Variants in KLHL18 observed in about 807,000 individuals in gnomAD.
The protein encoded by KLHL18 is kelch-like protein 18.
Under a neutral mutation model 58.5 loss-of-function variants are expected in KLHL18, and 38 were observed. The ratio of observed to expected loss-of-function variants is 0.65; its 90% CI spans 0.50 to 0.85. The LOEUF (loss-of-function observed/expected upper bound fraction) is 0.85, where lower values mean the gene tolerates loss of function less well. KLHL18 is among the 40% of genes least tolerant of loss of function. KLHL18 has a pLI of 0.00. For missense variants in KLHL18, 624 were observed against 778.4 expected, an observed-to-expected ratio of 0.80 and a Z score of 2.36; for synonymous variants, 303 against 301.9, an observed-to-expected ratio of 1.00 and a Z score of -0.04.
intron 7 of KLHL18, chr3:47,338,782 C>G (rs1704043417): frequency 6.6e-6 from 1 of 152,170 alleles, no homozygotes; most frequent in Non-Finnish European, 1.5e-5. Context: ...AAGATCGTGC[C>G]ACTGCATTCC....
intron 1 of KLHL18, among the ~76,000 whole-genome samples, chr3:47,309,985 A>G (rs867197856): frequency 0.013 from 320 of 23,998 alleles, 2 homozygotes; most frequent in African/African-American, 0.036. Context: ...CCGTGGGGAG[A>G]GGGAGGGGGA....
rs1336325772 is a variant in KLHL18, at chr3:47,322,668, C to T, written c.361C>T (p.Gln121Ter). The change falls in exon 3 of 10, where the codon CAG (glutamine) becomes TAG (stop). Residue 121 changes from glutamine (Q) to a stop codon, truncating the protein, a stop_gained. Coordinates refer to ENST00000232766, the MANE Select transcript of KLHL18 (RefSeq NM_025010.5). LOFTEE classifies it high-confidence loss of function. ...LLMGASFLQL[Q>*]SIKDACCTFL... ...GATGGGGGCGAGCTTCCTGCAGCTGCAGAGCATCAAAGACGCCTGCTGCAC... is the reference window on the plus strand; with the variant it reads ...GATGGGGGCGAGCTTCCTGCAGCTGTAGAGCATCAAAGACGCCTGCTGCAC... 7 of 1,604,038 alleles carry T rather than the reference C, an allele frequency of 4.4e-6. No individual in the cohort carries two copies. Among genetic ancestry groups the T allele is most frequent in the Non-Finnish European group, 5.1e-6 (6 of 1,175,670 alleles).
intron 1 of KLHL18, among the ~76,000 whole-genome samples, chr3:47,299,896 C>A (rs912889242): frequency 6.7e-6 from 1 of 150,294 alleles, no homozygotes; most frequent in Non-Finnish European, 1.5e-5. Flanking sequence ...CCTGCCTGCT[C>A]ACCTGCCCTG....
At chr3:47,291,726 C>T (rs559883160) in intron 1 of KLHL18, among the ~76,000 whole-genome samples, 9 of 152,298 alleles carry the variant, frequency 5.9e-5, no homozygotes, top group Non-Finnish European at 1.2e-4. Context: ...CTAGCATATA[C>T]TTCTGTAGTT....
intron 2 of KLHL18, 149 bp downstream of exon 2, chr3:47,319,932 C>A: frequency 1.2e-6 from 1 of 847,944 alleles, no homozygotes; most frequent in Non-Finnish European, 1.8e-6. Flanking sequence ...AGATTAGAAC[C>A]TGGGCCAGTG....
At chr3:47,322,797 T>C in intron 3 of KLHL18, 89 bp downstream of exon 3, 1 of 1,314,704 alleles carries the variant, frequency 7.6e-7, no homozygotes, top group South Asian at 1.8e-5. Context: ...GGACCATATA[T>C]AGGTTTATGA....
At chr3:47,299,865 A>G (rs1452991729) in intron 1 of KLHL18, among the ~76,000 whole-genome samples, 7 of 149,038 alleles carry the variant, frequency 4.7e-5, no homozygotes, top group Admixed American at 4.7e-4. Flanking sequence ...AGATTGCAAG[A>G]TAAAAACCCT....
At chr3:47,305,598 TG>T (rs1199545121) in intron 1 of KLHL18, among the ~76,000 whole-genome samples, 2 of 152,118 alleles carry the variant, frequency 1.3e-5, no homozygotes. Context: ...TGTCTAGTTT[TG>T]GTACTAGGGT....
intron 1 of KLHL18, among the ~76,000 whole-genome samples, chr3:47,304,730 T>G (rs908933219): frequency 3.9e-5 from 6 of 152,066 alleles, no homozygotes; most frequent in Non-Finnish European, 7.4e-5. Flanking sequence ...ACATAAACCA[T>G]AAATAATGTC....
At chr3:47,307,913 A>C (rs1703187232) in intron 1 of KLHL18, among the ~76,000 whole-genome samples, 1 of 152,176 alleles carries the variant, frequency 6.6e-6, no homozygotes, top group Non-Finnish European at 1.5e-5. Flanking sequence ...GGTTTGTTTC[A>C]GTACCACAAT....
rs561343621 is a variant in KLHL18 at position 47,307,638 on chromosome 3, C to T, written c.130-12015C>T. Among the ~76,000 whole-genome samples the T allele has an allele frequency of 2.0e-5, 3 of 152,166 alleles. No homozygotes were observed. In the East Asian group the frequency reaches 5.8e-4, roughly 29 times the overall value. Reference sequence around the variant, plus strand: ...CTCCTGGGCTCAGGCAGTCCTCCCACCTCGGCCTCCCAAAGTGTTGGGATT... The same window carrying T: ...CTCCTGGGCTCAGGCAGTCCTCCCATCTCGGCCTCCCAAAGTGTTGGGATT... On this transcript the variant is annotated intron_variant, in intron 1 of 9. Coordinates refer to ENST00000232766, the MANE Select transcript of KLHL18 (RefSeq NM_025010.5).
intron 1 of KLHL18, 96 bp downstream of exon 1, chr3:47,283,190 A>C: frequency 5.4e-6 from 1 of 186,524 alleles, no homozygotes; most frequent in Non-Finnish European, 7.9e-6. Flanking sequence ...TAGCAGGGAG[A>C]GGGGTGGGGA....
Position 47,285,742 on chromosome 3 carries a change from G to T in KLHL18, c.129+2648G>T, listed in dbSNP as rs183797612. ...GCAGAATATTGCTTGTTCATTCAAAGGGACAAGTAAATTATCAGACATGGC... is the reference window on the plus strand; with the variant it reads ...GCAGAATATTGCTTGTTCATTCAAATGGACAAGTAAATTATCAGACATGGC... On this transcript the variant is annotated intron_variant, in intron 1 of 9. Transcript: ENST00000232766. Among the ~76,000 whole-genome samples the T allele has an allele frequency of 3.0e-4, 46 of 151,748 alleles. 1 individual carries two copies. The highest frequency in any genetic ancestry group is 2.8e-3 in the Admixed American group (43 of 15,226).
At chr3:47,330,249 C>T in intron 4 of KLHL18, 100 bp downstream of exon 4, 1 of 1,040,750 alleles carries the variant, frequency 9.6e-7, no homozygotes, top group Non-Finnish European at 1.4e-6. Context: ...AAGATCATGA[C>T]ATGTATGTGG....
intron 1 of KLHL18, among the ~76,000 whole-genome samples, chr3:47,300,309 A>ATATATATATATATG (rs1244173185): frequency 3.8e-4 from 55 of 144,408 alleles, no homozygotes; most frequent in Non-Finnish European, 6.2e-4. Flanking sequence ...ATATATATAT[A>ATATATATATATATG]TGTGTGTATA....
At chr3:47,306,771 C>A (rs1189242698) in intron 1 of KLHL18, among the ~76,000 whole-genome samples, 2 of 152,170 alleles carry the variant, frequency 1.3e-5, no homozygotes, top group South Asian at 2.1e-4. Flanking sequence ...AAGAGCTCTT[C>A]TGTCCATCCA....
chr3:47,318,454 A>G lies in KLHL18; in HGVS notation c.130-1199A>G, dbSNP rs965864670. Reference sequence around the variant, plus strand: ...TATGACCTAGCTTTGAATGTGACATACCATCGTCACTTCTGCTATATTCTG... The same window carrying G: ...TATGACCTAGCTTTGAATGTGACATGCCATCGTCACTTCTGCTATATTCTG... On this transcript the variant is annotated intron_variant, in intron 1 of 9. Coordinates refer to ENST00000232766, the MANE Select transcript of KLHL18 (RefSeq NM_025010.5). 2.6e-5 allele frequency among the ~76,000 whole-genome samples: 4 copies of G among 152,306 alleles called. No individual in the cohort carries two copies. In the South Asian group the frequency reaches 8.3e-4, roughly 32 times the overall value.
chr3:47,309,078 G>A (rs991439163), intron 1 of KLHL18, among the ~76,000 whole-genome samples: 17 of 152,160 alleles, frequency 1.1e-4, no homozygotes, highest in Non-Finnish European at 2.2e-4. Flanking sequence ...AGAGAGCACC[G>A]GGTTGGGGGT....
intron 7 of KLHL18, 68 bp from the exon 8 acceptor site, chr3:47,340,504 C>T: frequency 6.2e-7 from 1 of 1,607,788 alleles, no homozygotes; most frequent in Non-Finnish European, 8.5e-7. Context: ...GTTTGTTTCT[C>T]AGTGGGCAAG....
Sources: allele counts gnomAD v4.1 joint callset (sites outside exome capture counted in the v4.1 genomes callset), GRCh38; gene constraint gnomAD v4.1.1; transcripts MANE v1.5; gene names NCBI Gene and HGNC (gene_info 2026-07-23, HGNC 2026-07-21).